Variants in TNKS1BP1 observed in about 807,000 individuals in gnomAD.
The protein encoded by TNKS1BP1 is 182 kDa tankyrase-1-binding protein.
TNKS1BP1 carries 48 observed loss-of-function variants against 141.1 expected under a neutral mutation model. The observed-to-expected ratio is 0.34, with a 90% CI of 0.27 to 0.43. The LOEUF is 0.43. Among genes scored for constraint, TNKS1BP1 ranks in the 20% least tolerant of loss-of-function variants. The pLI, the probability that TNKS1BP1 is intolerant of heterozygous loss-of-function variation, is 1.00. For missense variants in TNKS1BP1, 2,149 were observed against 2,226.0 expected (o/e 0.97, Z 0.70); for synonymous variants, 875 against 898.2 (o/e 0.97, Z 0.46).
intron 4 of TNKS1BP1, among the ~76,000 whole-genome samples, chr11:57,314,984 A>G (rs1855775824): frequency 6.6e-6 from 1 of 152,086 alleles, no homozygotes; most frequent in South Asian, 2.1e-4. Flanking sequence ...CTTTCTTGTT[A>G]TTGACCCTTA....
intron 4 of TNKS1BP1, 21 bp downstream of exon 4, chr11:57,317,797 C>T (rs751519179): frequency 1.2e-6 from 2 of 1,610,006 alleles, no homozygotes; most frequent in Middle Eastern, 1.7e-4. Context: ...GATTCTGATT[C>T]ATAACTGGAG....
At chr11:57,311,363 T>C (rs918521530) in intron 5 of TNKS1BP1, 159 of 985,624 alleles carry the variant, frequency 1.6e-4, no homozygotes, top group Non-Finnish European at 1.7e-4. Context: ...GGCTGGGCCA[T>C]GGCCCCCCGC....
In TNKS1BP1 at chr11:57,310,511, T is replaced by C; in HGVS notation, c.2200A>G (p.Ile734Val). The C allele has an allele frequency of 6.2e-7, 1 of 1,608,534 alleles. No individual in the cohort carries two copies. ...CTGCTGGGCTGTGGGTCTCCTGTGA[T>C]CCCAAATTCACTCTGCAGATCTTTC... ...SQKDLQSEFG[I>V]TGDPQPSSFS... Residue 734 changes from isoleucine (I) to valine (V), a missense_variant, in exon 6 of 12, where the codon ATC becomes GTC. Ile to Val is a conservative substitution (Grantham distance 29). Coordinates refer to ENST00000358252, the MANE Select transcript of TNKS1BP1 (RefSeq NM_033396.3).
intron 9 of TNKS1BP1, 65 bp downstream of exon 9, chr11:57,301,742 G>C (rs1262552831): frequency 6.4e-7 from 1 of 1,568,318 alleles, no homozygotes; most frequent in African/African-American, 1.4e-5. Flanking sequence ...AGAGAAGAAA[G>C]ACAGCATGCA....
At chr11:57,303,503 TCAGCCCTAC>T (rs1040512591) in intron 6 of TNKS1BP1, 1 of 153,254 alleles carries the variant, frequency 6.5e-6, no homozygotes, top group African/African-American at 2.4e-5. Flanking sequence ...CATGGCCGCC[TCAGCCCTAC>T]CAGCCCTGGG....
chr11:57,324,730 C>T, intron 1 of TNKS1BP1, 110 bp downstream of exon 1: 2 of 956,950 alleles, frequency 2.1e-6, no homozygotes, highest in Non-Finnish European at 2.5e-6. Flanking sequence ...CCGACCACCA[C>T]CACCTCAACC....
rs368983075 is a variant in TNKS1BP1, at chr11:57,302,812, G to A, written c.4330C>T (p.Pro1444Ser). The change falls in exon 7 of 12, where the codon CCG becomes TCG. Residue 1444 changes from proline (P) to serine (S), a missense_variant. By Grantham distance (74) the Pro-to-Ser change is moderately conservative. Coordinates refer to ENST00000358252, the MANE Select transcript of TNKS1BP1 (RefSeq NM_033396.3). The surrounding 1 kb of genome is among the most constrained non-coding windows in gnomAD (Gnocchi z 5.5). ...LSFGASPGRCPARPPPSGSQG... is the reference protein window; with the variant it reads ...LSFGASPGRCSARPPPSGSQG... ...GAGCCGGAGGGTGGGGGGCGGGCCG[G>A]GCACCTGCCAGGGCTGTAAAGGGGA... The A allele has an allele frequency of 4.5e-5, 70 of 1,538,688 alleles. No homozygotes were observed. The highest frequency in any genetic ancestry group is 1.3e-4 in the Admixed American group (7 of 53,012).
chr11:57,303,035 A>AG (rs2134345777), intron 6 of TNKS1BP1: 2 of 515,254 alleles, frequency 3.9e-6, no homozygotes, highest in African/African-American at 3.8e-5. Flanking sequence ...CAAATCCCTG[A>AG]GACCTCGGGT....
intron 6 of TNKS1BP1, chr11:57,303,104 A>C (rs1029043242): frequency 2.5e-6 from 1 of 398,284 alleles, no homozygotes. Flanking sequence ...CGCTGCAAGG[A>C]TGAAAGAAAA....
chr11:57,303,516 C>T (rs61225787), intron 6 of TNKS1BP1: 2,135 of 153,350 alleles, frequency 0.014, 45 homozygotes, highest in African/African-American at 0.049. Context: ...GCCCTACCAG[C>T]CCTGGGCTCC....
chr11:57,316,904 T>C (rs1312092819), intron 4 of TNKS1BP1, among the ~76,000 whole-genome samples: 1 of 152,208 alleles, frequency 6.6e-6, no homozygotes, highest in East Asian at 1.9e-4. Flanking sequence ...AAAGTCTTTC[T>C]AGAGGCCTTC....
intron 3 of TNKS1BP1, among the ~76,000 whole-genome samples, chr11:57,318,657 G>A (rs1855833359): frequency 6.6e-6 from 1 of 152,240 alleles, no homozygotes; most frequent in African/African-American, 2.4e-5. Context: ...CAGCACTAAG[G>A]ACAGCCTCTG....
At chr11:57,322,340 C>T (rs1047797580) in intron 1 of TNKS1BP1, 2 of 986,866 alleles carry the variant, frequency 2.0e-6, no homozygotes, top group Admixed American at 6.0e-5. Flanking sequence ...AATCACCTCA[C>T]GGGAGACGGG....
intron 2 of TNKS1BP1, among the ~76,000 whole-genome samples, chr11:57,321,141 C>G (rs1222975498): frequency 6.6e-6 from 1 of 152,172 alleles, no homozygotes; most frequent in Non-Finnish European, 1.5e-5. Context: ...ACACTCTTCT[C>G]TATCATCCAT....
intron 5 of TNKS1BP1, 80 bp downstream of exon 5, chr11:57,312,454 A>T (rs1284539726): frequency 1.5e-6 from 2 of 1,366,584 alleles, no homozygotes; most frequent in Non-Finnish European, 1.9e-6. Flanking sequence ...GACATGTAAA[A>T]TCCATGTTCA....
Position 57,301,806 on chromosome 11 carries a change from C to G in TNKS1BP1, c.4971+1G>C. 6.2e-7 allele frequency: 1 copy of G among 1,611,410 alleles called. No individual in the cohort carries two copies. The highest frequency in any genetic ancestry group is 8.5e-7 in the Non-Finnish European group (1 of 1,178,062). On this transcript the variant is annotated splice_donor_variant, in intron 9 of 11. Transcript: ENST00000358252. LOFTEE classifies it high-confidence loss of function. ...ATGTTTGCTTAATGATCAGATGGTA[C>G]CTTCAGGGCTGAGGGGCTCAGGCCA...
rs771199014 is a variant in TNKS1BP1 at position 57,310,384 on chromosome 11, C to T, written c.2327G>A (p.Ser776Asn). Residue 776 changes from serine (S) to asparagine (N), a missense_variant, in exon 6 of 12, where the codon AGC becomes AAC. By Grantham distance (46) the Ser-to-Asn change is conservative. Coordinates refer to ENST00000358252, the MANE Select transcript of TNKS1BP1 (RefSeq NM_033396.3). ...TTCCCCTGCTCCTTGCCCATACTTG[C>T]TGGTCCAGTCCCTCTCTCCGAGACC... is the stretch of plus-strand genomic sequence containing the variant. ...DPGLGERDWT[S>N]KYGQGAGEGS... is the part of the protein sequence containing the mutation. 1.4e-5 allele frequency: 23 copies of T among 1,614,002 alleles called. 1 individual carries two copies. In the South Asian group the frequency reaches 2.2e-4, roughly 15 times the overall value.
Position 57,319,334 on chromosome 11 carries a change from C to G in TNKS1BP1, c.728+745G>C, listed in dbSNP as rs571806472. The stretch of plus-strand genomic sequence containing the variant: ...TTTGGAATCAAACAAACATCTGTCT[C>G]TGCCTCTTAACTTGCCGAGACTATG... On this transcript the variant is annotated intron_variant, in intron 3 of 11. Coordinates refer to ENST00000358252, the MANE Select transcript of TNKS1BP1 (RefSeq NM_033396.3). 1.3e-4 allele frequency among the ~76,000 whole-genome samples: 20 copies of G among 152,260 alleles called. No individual in the cohort carries two copies. In the South Asian group the frequency reaches 2.1e-3, roughly 16 times the overall value.
At position 57,317,889 on chromosome 11, in the gene TNKS1BP1, T is replaced by C; in HGVS notation, c.729-2A>G. On this transcript the variant is annotated splice_acceptor_variant, in intron 3 of 11. Coordinates refer to ENST00000358252, the MANE Select transcript of TNKS1BP1 (RefSeq NM_033396.3). LOFTEE classifies it high-confidence loss of function. ...AAGGCCAGGTCGGAAGGAAGGCTCCTGTGAGGGACGAGGACAGGAAATGGA... is the reference window on the plus strand; with the variant it reads ...AAGGCCAGGTCGGAAGGAAGGCTCCCGTGAGGGACGAGGACAGGAAATGGA... 1 of 1,613,736 alleles carries C rather than the reference T, an allele frequency of 6.2e-7. No homozygotes were observed. The highest frequency in any genetic ancestry group is 8.5e-7 in the Non-Finnish European group (1 of 1,179,716).
Sources: allele counts gnomAD v4.1 joint callset (sites outside exome capture counted in the v4.1 genomes callset), GRCh38; gene constraint gnomAD v4.1.1; non-coding constraint Gnocchi (gnomAD v3.1); transcripts MANE v1.5; gene names NCBI Gene and HGNC (gene_info 2026-07-23, HGNC 2026-07-21).